The following ANO3 variants were observed in gnomAD, a reference collection of about 807,000 sequenced individuals.
ANO3 encodes the protein anoctamin-3.
In ANO3, 99 loss-of-function variants were observed where a neutral mutation model predicts 144.8. The ratio of observed to expected loss-of-function variants is 0.68; its 90% confidence interval spans 0.58 to 0.81. ANO3 has a LOEUF of 0.81. Ranked by LOEUF, ANO3 falls within the 30% of genes least tolerant of loss-of-function variation. The pLI, the probability that ANO3 is intolerant of heterozygous loss-of-function variation, is 0.00. For synonymous variants in ANO3, 414 were observed against 392.6 expected, an observed-to-expected ratio of 1.05 and a Z score of -0.64; for missense variants, 905 against 1,202.2, an observed-to-expected ratio of 0.75 and a Z score of 3.66.
At chr11:26,334,827 T>G (rs901333719) in intron 1 of ANO3, among the ~76,000 whole-genome samples, 1 of 152,236 alleles carries the variant, frequency 6.6e-6, no homozygotes, top group Admixed American at 6.5e-5. Context: ...CTTTTAAAAA[T>G]TTTGATTTCA....
upstream of ANO3, among the ~76,000 whole-genome samples, chr11:26,309,036 A>G (rs541567677): frequency 6.0e-4 from 91 of 152,320 alleles, no homozygotes; most frequent in Non-Finnish European, 9.3e-4. Context: ...TTACTAGGTA[A>G]CATTTCAGGA....
chr11:26,277,134 C>G lies in ANO3; in HGVS notation c.155-32511C>G, dbSNP rs1853576085. On this transcript the variant is annotated intron_variant, in intron 1 of 27. Transcript: ENST00000672621. ...CATCCATATAAAAAAGTAGATATCT[C>G]TCTATTTCACAAAATATCCTTCATG... 2.0e-5 allele frequency among the ~76,000 whole-genome samples: 3 copies of G among 151,446 alleles called. No homozygotes were observed. The South Asian group carries it at 6.2e-4, about 31-fold the overall frequency.
rs1295637045 is a variant in ANO3, at chr11:26,463,083, C to T, written c.367C>T (p.Arg123Ter). The part of the protein sequence containing the change: ...TDESEHATYD[R>*]SRLINDFVIK... The stretch of plus-strand genomic sequence containing the variant: ...TGAATCAGAACACGCTACTTATGAC[C>T]GATCTCGTCTCATTAATGACTTTGT... The change falls in exon 4 of 27, where the codon CGA (arginine) becomes TGA (stop). Residue 123 changes from arginine (R) to a stop codon, truncating the protein, a stop_gained. Coordinates refer to ENST00000256737, the MANE Select transcript of ANO3 (RefSeq NM_031418.4). LOFTEE classifies it high-confidence loss of function. 9.4e-6 allele frequency: 15 copies of T among 1,596,312 alleles called. No individual in the cohort carries two copies. The highest frequency in any genetic ancestry group is 2.3e-5 in the East Asian group (1 of 44,024).
intron 1 of ANO3, among the ~76,000 whole-genome samples, chr11:26,203,023 A>AATT: frequency 6.6e-6 from 1 of 152,204 alleles, no homozygotes; most frequent in African/African-American, 2.4e-5. Flanking sequence ...ACATTGAGCC[A>AATT]ATTTGTAATA....
chr11:26,210,987 C>G (rs186052871), intron 1 of ANO3, among the ~76,000 whole-genome samples: 1 of 152,066 alleles, frequency 6.6e-6, no homozygotes, highest in Admixed American at 6.6e-5. Flanking sequence ...GACTTGAACT[C>G]AGCCCTGGAC....
Position 26,332,318 on chromosome 11 carries a change from A to T in ANO3, c.43A>T (p.Lys15Ter), listed in dbSNP as rs1170118603. The change falls in exon 1 of 27, where the codon AAA becomes TAA. Residue 15 changes from lysine (K) to a stop codon, truncating the protein, a stop_gained. Transcript: ENST00000256737. LOFTEE classifies it high-confidence loss of function. ...SGSIQSFKQQ[K>*]GMNISKSEIT... is the part of the protein sequence containing the mutation. The stretch of plus-strand genomic sequence containing the variant: ...CTCCATTCAGTCCTTTAAACAGCAA[A>T]AAGGTCAGTTGGAATCTTGCTCCCC... The T allele has an allele frequency of 6.2e-7, 1 of 1,613,746 alleles. No homozygotes were observed. The highest frequency in any genetic ancestry group is 2.2e-5 in the East Asian group (1 of 44,834).
At chr11:26,618,465 T>C (rs1852322938) in intron 17 of ANO3, among the ~76,000 whole-genome samples, 1 of 152,184 alleles carries the variant, frequency 6.6e-6, no homozygotes, top group Non-Finnish European at 1.5e-5. Flanking sequence ...TGGTTGGTCT[T>C]CCTGTCTCTA....
intron 18 of ANO3, among the ~76,000 whole-genome samples, chr11:26,625,784 C>T (rs1012915884): frequency 1.6e-4 from 24 of 152,286 alleles, no homozygotes; most frequent in South Asian, 8.3e-4. Flanking sequence ...TAGCCAACTG[C>T]ATCTAGACTT....
chr11:26,592,422 A>T (rs929274581), intron 14 of ANO3, among the ~76,000 whole-genome samples: 1 of 151,890 alleles, frequency 6.6e-6, no homozygotes, highest in Admixed American at 6.6e-5. Flanking sequence ...ACACTCTGTA[A>T]GCCTTGGGGA....
rs186889370 is a variant in ANO3, at chr11:26,523,349, C to T, written c.693-2286C>T. On this transcript the variant is annotated intron_variant, in intron 6 of 26. Transcript: ENST00000256737. ...AATTGGGCTGTTAATTAGCTTCATA[C>T]GGAAGAGAAATAAAACCTCTCATAT... 3.5e-4 allele frequency among the ~76,000 whole-genome samples: 53 copies of T among 152,252 alleles called. No individual in the cohort carries two copies. The South Asian group carries it at 6.2e-3, about 18-fold the overall frequency.
chr11:26,575,049 T>A (rs1850950809), intron 14 of ANO3, among the ~76,000 whole-genome samples: 1 of 152,124 alleles, frequency 6.6e-6, no homozygotes, highest in Non-Finnish European at 1.5e-5. Context: ...ATGATAAGAC[T>A]ATAGCAAAAC....
In ANO3 at chr11:26,598,715, T is replaced by C. The variant is rs1851709797; in HGVS notation, c.1531-143T>C. On this transcript the variant is annotated intron_variant, in intron 15 of 26. Coordinates refer to ENST00000256737, the MANE Select transcript of ANO3 (RefSeq NM_031418.4). ...GCTCGGGATTTATTTGGAAGGTAAT[T>C]TGATGTTATTTTTAAAAGGTTGCTT... 12 of 766,688 alleles carry C rather than the reference T, an allele frequency of 1.6e-5. 1 individual carries two copies. In the South Asian group the frequency reaches 2.0e-4, roughly 13 times the overall value. 47.5% of individuals were successfully genotyped at this position (766,688 alleles called of 1,614,324 possible). A position where few individuals can be genotyped will look rare whatever the true frequency, so the allele number is the denominator to read the frequency against.
intron 1 of ANO3, among the ~76,000 whole-genome samples, chr11:26,244,110 C>A (rs1369715562): frequency 4.6e-5 from 6 of 130,734 alleles, no homozygotes; most frequent in Non-Finnish European, 6.3e-5. Flanking sequence ...TAGCAAGACT[C>A]TGTCTGAAAA....
chr11:26,329,315 C>A (rs1302059669), upstream of ANO3, among the ~76,000 whole-genome samples: 2 of 83,378 alleles, frequency 2.4e-5, no homozygotes, highest in Middle Eastern at 7.5e-3. Flanking sequence ...CACACACACA[C>A]ACACACACAC....
At chr11:26,218,422 T>C (rs1341546849) in intron 1 of ANO3, among the ~76,000 whole-genome samples, 1 of 152,158 alleles carries the variant, frequency 6.6e-6, no homozygotes, top group African/African-American at 2.4e-5. Context: ...GTTCCTACTC[T>C]TGTTGGACCA....
intron 14 of ANO3, among the ~76,000 whole-genome samples, chr11:26,592,469 T>C (rs1295221711): frequency 6.6e-6 from 1 of 151,710 alleles, no homozygotes; most frequent in Non-Finnish European, 1.5e-5. Context: ...AATTAGTGCC[T>C]TTATTACCTC....
intron 1 of ANO3, among the ~76,000 whole-genome samples, chr11:26,274,990 A>G (rs1853526129): frequency 1.3e-5 from 2 of 151,962 alleles, no homozygotes; most frequent in Admixed American, 6.6e-5. Context: ...TACTAATTTC[A>G]TTACTCAAAA....
intron 4 of ANO3, among the ~76,000 whole-genome samples, chr11:26,507,615 A>G (rs1179662327): frequency 6.6e-6 from 1 of 152,176 alleles, no homozygotes; most frequent in African/African-American, 2.4e-5. Flanking sequence ...AATTGGTTTG[A>G]GTTTTTAGTA....
chr11:26,308,048 A>G (rs1854424424), upstream of ANO3, among the ~76,000 whole-genome samples: 1 of 152,142 alleles, frequency 6.6e-6, no homozygotes, highest in Non-Finnish European at 1.5e-5. Flanking sequence ...TCTTTAACTG[A>G]AGATATTTAG....
Sources: gnomAD v4.1 joint callset for allele counts (sites outside exome capture counted in the v4.1 genomes callset) on GRCh38, gnomAD v4.1.1 for gene constraint, MANE v1.5 for transcripts, NCBI Gene and HGNC (gene_info 2026-07-23, HGNC 2026-07-21) for gene names.